SQSTM1: variants seen among roughly 807,000 people sequenced by gnomAD.
SQSTM1 encodes sequestosome 1.
SQSTM1 carries 36 observed loss-of-function variants against 45.1 expected under a neutral mutation model. The observed-to-expected ratio is 0.80, with a 90% CI of 0.61 to 1.05. SQSTM1 has a LOEUF of 1.05. Among genes scored for constraint, SQSTM1 ranks in the 50% least tolerant of loss-of-function variants. The pLI is 0.00. For missense variants in SQSTM1, 617 were observed against 607.1 expected (o/e 1.02, Z -0.17); for synonymous variants, 290 against 244.3 (o/e 1.19, Z -1.74).
intron 5 of SQSTM1, 83 bp from the exon 6 acceptor site, chr5:179,832,949 G>A: frequency 7.3e-7 from 1 of 1,375,864 alleles, no homozygotes; most frequent in Non-Finnish European, 1.0e-6. Flanking sequence ...TCGTGAGTCT[G>A]TAGTCTCCAC....
rs1444491628 is a variant in SQSTM1 at position 179,834,238 on chromosome 5, G to C, written c.1165+456G>C. On this transcript the variant is annotated intron_variant, in intron 7 of 7. Transcript: ENST00000389805. Reference sequence around the variant, plus strand: ...GTGGATGGTGTGGCAGGCAGCAGTGGGGGGGTGGGGGGTGGGGACAGCTGA... The same window carrying C: ...GTGGATGGTGTGGCAGGCAGCAGTGCGGGGGTGGGGGGTGGGGACAGCTGA... 1.4e-3 allele frequency among the ~76,000 whole-genome samples: 148 copies of C among 102,996 alleles called. 5 individuals carry two copies. Among genetic ancestry groups the C allele is most frequent in the African/African-American group, 5.9e-3 (140 of 23,756 alleles). 67.6% of individuals were successfully genotyped at this position (102,996 alleles called of 152,430 possible).
At position 179,806,578 on chromosome 5, in the gene SQSTM1, C is replaced by T; in HGVS notation, c.-170C>T. On this transcript the variant is annotated 5_prime_UTR_variant, in exon 1 of 6. Coordinates refer to the SQSTM1 transcript ENST00000514093. The surrounding 1 kb of genome is among the most constrained non-coding windows in gnomAD (Gnocchi z 4.6). The stretch of plus-strand genomic sequence containing the variant: ...GCGTCAGGAAGGTGCCATTGCGGAG[C>T]CTCATCTCCTCGGGTGCGCGGCGGG... 1 of 1,279,350 alleles carries T rather than the reference C, an allele frequency of 7.8e-7. No individual in the cohort carries two copies. The highest frequency in any genetic ancestry group is 1.6e-5 in the South Asian group (1 of 64,170). 79.2% of individuals were successfully genotyped at this position (1,279,350 alleles called of 1,614,324 possible). A position where few individuals can be genotyped will look rare whatever the true frequency, so the allele number is the denominator to read the frequency against.
intron 1 of SQSTM1, among the ~76,000 whole-genome samples, chr5:179,807,159 C>CGGGGCGG (rs1226742078): frequency 4.8e-4 from 66 of 138,592 alleles, no homozygotes; most frequent in East Asian, 3.2e-3. Flanking sequence ...CGACCGCAGC[C>CGGGGCGG]GGGGCGGGGG....
chr5:179,824,276 G>A lies in SQSTM1; in HGVS notation c.626G>A (p.Arg209His), dbSNP rs1303154345. ...EMGPPGNWSP[R>H]PPRAGEARPG... ...GGTCCACCAGGAAACTGGAGCCCAC[G>A]TCCTCCTCGTGCAGGGGAGGCCCGC... Residue 209 changes from arginine (R) to histidine (H), a missense_variant, in exon 4 of 8, where the codon CGT becomes CAT. Transcript: ENST00000389805. 1.1e-5 allele frequency: 18 copies of A among 1,613,648 alleles called. No individual in the cohort carries two copies. In the South Asian group the frequency reaches 1.5e-4, roughly 14 times the overall value.
intron 5 of SQSTM1, 50 bp downstream of exon 5, chr5:179,825,276 T>C: frequency 1.4e-6 from 2 of 1,472,372 alleles, no homozygotes; most frequent in Non-Finnish European, 1.9e-6. Flanking sequence ...CTGCACTTTA[T>C]GTAACTTTCA....
chr5:179,832,605 G>A (rs1175667989), intron 5 of SQSTM1, among the ~76,000 whole-genome samples: 4 of 152,242 alleles, frequency 2.6e-5, no homozygotes, highest in Non-Finnish European at 5.9e-5. Flanking sequence ...CCCACCTGCC[G>A]TGTGGCCCGT....
chr5:179,826,339 A>AT (rs1345421556), intron 5 of SQSTM1, among the ~76,000 whole-genome samples: 16 of 151,810 alleles, frequency 1.1e-4, no homozygotes, highest in South Asian at 2.1e-4. Flanking sequence ...TAAGTTTTGT[A>AT]TTTTTTTAGT....
chr5:179,835,232 T>G, intron 7 of SQSTM1: 1 of 171,714 alleles, frequency 5.8e-6, no homozygotes, highest in South Asian at 7.8e-5. Context: ...GCTCCTCACA[T>G]TCCAGACGAT....
intron 5 of SQSTM1, among the ~76,000 whole-genome samples, chr5:179,827,728 A>C (rs1010250637): frequency 9.9e-5 from 15 of 152,240 alleles, no homozygotes; most frequent in African/African-American, 2.2e-4. Flanking sequence ...GAGCCAGTGG[A>C]GGAGCGGCTT....
At position 179,806,698 on chromosome 5, in the gene SQSTM1, G is replaced by C. The variant is rs1757177303; in HGVS notation, c.-157+107G>C. On this transcript the variant is annotated intron_variant, in intron 1 of 5. Transcript: ENST00000514093. This position sits in a 1 kb window ranked among gnomAD's most constrained non-coding sequence, Gnocchi z 4.6. ...GGCGGCGGCAGGGGCCCCGGCCCCGGGTCGGGGAGGGGCGGGGGGCCCGGG... is the reference window on the plus strand; with the variant it reads ...GGCGGCGGCAGGGGCCCCGGCCCCGCGTCGGGGAGGGGCGGGGGGCCCGGG... The C allele has an allele frequency of 3.9e-6, 1 of 254,326 alleles. No individual in the cohort carries two copies. Among genetic ancestry groups the C allele is most frequent in the African/African-American group, 2.4e-5 (1 of 42,160 alleles). The allele number at this position is 254,326 out of a possible 1,614,324, so 15.8% of individuals were successfully genotyped here. A position where few individuals can be genotyped will look rare whatever the true frequency, so the allele number is the denominator to read the frequency against.
chr5:179,812,595 GA>G (rs943232922), intron 2 of SQSTM1: 8 of 152,276 alleles, frequency 5.3e-5, no homozygotes, highest in African/African-American at 1.9e-4. Context: ...TCTGGACATG[GA>G]AGTGTCGAGG....
rs1296388652 is a variant in SQSTM1, at chr5:179,837,411, C to G, written c.*818C>G. 2 of 1,595,510 alleles carry G rather than the reference C, an allele frequency of 1.3e-6. No individual in the cohort carries two copies. The highest frequency in any genetic ancestry group is 2.2e-5 in the South Asian group (2 of 89,282). On this transcript the variant is annotated 3_prime_UTR_variant, in exon 8 of 8. Transcript: ENST00000389805. The stretch of plus-strand genomic sequence containing the variant: ...CCAGATCACACATCATCATCGAAGT[C>G]TTCCCCAGTTATAAAGAGGTCACAT...
chr5:179,833,259 C>T lies in SQSTM1; in HGVS notation c.969+13C>T. On this transcript the variant is annotated intron_variant, in intron 6 of 7. Coordinates refer to ENST00000389805, the MANE Select transcript of SQSTM1 (RefSeq NM_003900.5). ...GGGGCGCCCTGAGGCAAGCCTGTGC[C>T]CCTCCCGCCACCTGGGACCACGGCC... The T allele has an allele frequency of 6.4e-7, 1 of 1,561,552 alleles. No individual in the cohort carries two copies. Among genetic ancestry groups the T allele is most frequent in the Non-Finnish European group, 8.6e-7 (1 of 1,158,128 alleles).
Position 179,822,993 on chromosome 5 carries a change from G to T in SQSTM1, c.241G>T (p.Glu81Ter). The T allele has an allele frequency of 6.2e-7, 1 of 1,614,058 alleles. No individual in the cohort carries two copies. The highest frequency in any genetic ancestry group is 1.1e-5 in the South Asian group (1 of 91,084). Residue 81 changes from glutamate to a stop codon, truncating the protein, a stop_gained, in exon 2 of 8, where the codon GAG becomes TAG. Transcript: ENST00000389805. LOFTEE classifies it high-confidence loss of function. ...DGDLVAFSSD[E>*]ELTMAMSYVK... ...GGACTTGGTTGCCTTTTCCAGTGAC[G>T]AGGAATTGACAATGGCCATGTCCTA...
chr5:179,826,893 T>A (rs1336224717), intron 5 of SQSTM1, among the ~76,000 whole-genome samples: 1 of 152,110 alleles, frequency 6.6e-6, no homozygotes, highest in Admixed American at 6.5e-5. Flanking sequence ...GAATCAGTAT[T>A]CTTAATGCTT....
intron 1 of SQSTM1, among the ~76,000 whole-genome samples, chr5:179,808,823 T>G (rs1757300184): frequency 6.6e-6 from 1 of 151,678 alleles, no homozygotes; most frequent in African/African-American, 2.4e-5. Context: ...TGGATTTTTT[T>G]GTAATTTTAT....
At chr5:179,832,779 A>G (rs1363983995) in intron 5 of SQSTM1, among the ~76,000 whole-genome samples, 2 of 152,092 alleles carry the variant, frequency 1.3e-5, no homozygotes, top group African/African-American at 2.4e-5. Context: ...TGTAGCTGGG[A>G]TATGGGGAGA....
At chr5:179,818,678 C>A (rs530777767), upstream of SQSTM1, among the ~76,000 whole-genome samples, 1 of 152,306 alleles carries the variant, frequency 6.6e-6, no homozygotes, top group African/African-American at 2.4e-5. Context: ...CTGCCCTGAC[C>A]CCCCAGCTTA....
chr5:179,819,772 C>T (rs1348403816), upstream of SQSTM1, among the ~76,000 whole-genome samples: 1 of 152,200 alleles, frequency 6.6e-6, no homozygotes, highest in Non-Finnish European at 1.5e-5. Context: ...AGGGTGGAAG[C>T]CTTGCCCACT....
Sources: gnomAD v4.1 joint callset for allele counts (sites outside exome capture counted in the v4.1 genomes callset) on GRCh38, gnomAD v4.1.1 for gene constraint, Gnocchi (gnomAD v3.1) non-coding constraint, MANE v1.5 for transcripts, NCBI Gene and HGNC (gene_info 2026-07-23, HGNC 2026-07-21) for gene names.